Variants in SSBP2 observed in about 807,000 individuals in gnomAD.
SSBP2 encodes the protein single stranded DNA binding protein 2.
Under a neutral mutation model 61.8 loss-of-function variants are expected in SSBP2, and 17 were observed. The ratio of observed to expected loss-of-function variants is 0.28; its 90% CI spans 0.19 to 0.41. The LOEUF is 0.41. Among genes scored for constraint, SSBP2 ranks in the 10% least tolerant of loss-of-function variants. The pLI, the probability that SSBP2 is intolerant of heterozygous loss-of-function variation, is 1.00. For synonymous variants in SSBP2, 139 were observed against 141.3 expected (o/e 0.98, Z 0.12); for missense variants, 310 against 458.7 (o/e 0.68, Z 2.96).
At chr5:81,645,407 A>T (rs774843251) in intron 2 of SSBP2, among the ~76,000 whole-genome samples, 1 of 152,186 alleles carries the variant, frequency 6.6e-6, no homozygotes, top group Non-Finnish European at 1.5e-5. Flanking sequence ...TTAAGCTTCT[A>T]TTTCAGGCTA....
At chr5:81,714,843 T>G (rs1458096651) in intron 1 of SSBP2, among the ~76,000 whole-genome samples, 3 of 152,126 alleles carry the variant, frequency 2.0e-5, no homozygotes, top group Non-Finnish European at 4.4e-5. Context: ...ATTCTATAGG[T>G]TGCTTGTAAA....
At chr5:81,451,433 AT>A (rs1334665782) in intron 10 of SSBP2, among the ~76,000 whole-genome samples, 1 of 151,130 alleles carries the variant, frequency 6.6e-6, no homozygotes, top group Non-Finnish European at 1.5e-5. Context: ...TATTCTATTT[AT>A]TTATTTTTTG....
intron 4 of SSBP2, among the ~76,000 whole-genome samples, chr5:81,567,420 T>C (rs944738199): frequency 3.3e-5 from 5 of 152,192 alleles, no homozygotes; most frequent in African/African-American, 1.2e-4. Flanking sequence ...AAGTCAAGAA[T>C]TGAGGTTTGG....
chr5:81,478,735 C>T (rs940202337), intron 6 of SSBP2, among the ~76,000 whole-genome samples: 11 of 152,176 alleles, frequency 7.2e-5, no homozygotes, highest in African/African-American at 2.2e-4. Context: ...CTTCCCAAAG[C>T]GCTGGGATTA....
In SSBP2 at chr5:81,417,073, C is replaced by T. The variant is rs1000813741; in HGVS notation, c.*3431G>A. ...GATGGGGGGGTTTCACCAGGTTGGCCAGGCTGGTCTTGAACTCCCGACCTC... is the reference window on the plus strand; with the variant it reads ...GATGGGGGGGTTTCACCAGGTTGGCTAGGCTGGTCTTGAACTCCCGACCTC... On this transcript the variant is annotated 3_prime_UTR_variant, in exon 17 of 17. Coordinates refer to ENST00000320672, the MANE Select transcript of SSBP2 (RefSeq NM_012446.5). 1 of 152,142 alleles carries T rather than the reference C, an allele frequency of 6.6e-6. No homozygotes were observed. Among genetic ancestry groups the T allele is most frequent in the Non-Finnish European group, 1.5e-5 (1 of 68,060 alleles). 9.4% of individuals were successfully genotyped at this position (152,142 alleles called of 1,614,324 possible). A position where few individuals can be genotyped will look rare whatever the true frequency, so the allele number is the denominator to read the frequency against.
At chr5:81,505,451 T>C (rs1768108700) in intron 5 of SSBP2, among the ~76,000 whole-genome samples, 1 of 152,208 alleles carries the variant, frequency 6.6e-6, no homozygotes, top group Admixed American at 6.5e-5. Context: ...ATTAATAGTA[T>C]ATTTAAATGC....
chr5:81,622,157 C>CT (rs1746647959), intron 3 of SSBP2, among the ~76,000 whole-genome samples: 1 of 148,170 alleles, frequency 6.7e-6, no homozygotes, highest in South Asian at 2.1e-4. Flanking sequence ...GTTAACACTT[C>CT]TTTTTTTCTC....
chr5:81,728,127 T>G (rs958857952), intron 1 of SSBP2, among the ~76,000 whole-genome samples: 1 of 152,174 alleles, frequency 6.6e-6, no homozygotes, highest in Non-Finnish European at 1.5e-5. Flanking sequence ...CAGCGTCCTG[T>G]GAACCACCGT....
chr5:81,626,069 A>G (rs1747113392), intron 3 of SSBP2, among the ~76,000 whole-genome samples: 1 of 152,238 alleles, frequency 6.6e-6, no homozygotes, highest in South Asian at 2.1e-4. Context: ...TATCCTATCC[A>G]TTCATAAGAC....
intron 15 of SSBP2, among the ~76,000 whole-genome samples, chr5:81,428,986 G>A (rs1250689370): frequency 6.7e-6 from 1 of 148,852 alleles, no homozygotes; most frequent in Non-Finnish European, 1.5e-5. Context: ...TAAAACACTG[G>A]AGAGTTTAAA....
At chr5:81,479,698 G>A (rs1224915003) in intron 6 of SSBP2, among the ~76,000 whole-genome samples, 1 of 152,154 alleles carries the variant, frequency 6.6e-6, no homozygotes, top group Admixed American at 6.5e-5. Context: ...ACACTTGTGA[G>A]CCAGTGCATT....
chr5:81,578,898 C>T (rs990522360), intron 4 of SSBP2, among the ~76,000 whole-genome samples: 1 of 151,872 alleles, frequency 6.6e-6, no homozygotes, highest in African/African-American at 2.4e-5. Context: ...ATCTATCCTT[C>T]TCTGTTAACA....
chr5:81,609,235 C>T (rs1319270787), intron 4 of SSBP2, among the ~76,000 whole-genome samples: 1 of 152,134 alleles, frequency 6.6e-6, no homozygotes. Context: ...AGCACTGATA[C>T]TGTGTTTGAT....
In SSBP2 at chr5:81,486,265, G is replaced by A. The variant is rs573099749; in HGVS notation, c.432+2985C>T. Among the ~76,000 whole-genome samples the A allele has an allele frequency of 5.7e-4, 87 of 152,048 alleles. 2 individuals are homozygous for A. Among genetic ancestry groups the A allele is most frequent in the African/African-American group, 1.9e-3 (77 of 41,492 alleles). On this transcript the variant is annotated intron_variant, in intron 6 of 16. Coordinates refer to ENST00000320672, the MANE Select transcript of SSBP2 (RefSeq NM_012446.5). ...ATTCAAAGACATTAAATACCTGTTC[G>A]TAAAATTTGTCAACAAACTAGGTTT...
intron 3 of SSBP2, among the ~76,000 whole-genome samples, chr5:81,625,685 CTG>C (rs957527334): frequency 1.3e-5 from 2 of 151,618 alleles, no homozygotes; most frequent in African/African-American, 2.4e-5. Flanking sequence ...CAACCAAACA[CTG>C]TATCTCCCTC....
At position 81,442,682 on chromosome 5, in the gene SSBP2, C is replaced by A. The variant is rs748800298; in HGVS notation, c.820G>T (p.Ala274Ser). The A allele has an allele frequency of 6.3e-7, 1 of 1,581,960 alleles. No homozygotes were observed. The highest frequency in any genetic ancestry group is 2.3e-5 in the East Asian group (1 of 43,966). Residue 274 changes from alanine to serine, a missense_variant, in exon 13 of 17, where the codon GCA (alanine) becomes TCA (serine). Transcript: ENST00000320672. ...GGTCTGTTAGGTCCAGGAGGTACTG[C>A]ATTCATTAAAGTATACATGTTATCA...
At position 81,652,084 on chromosome 5, in the gene SSBP2, T is replaced by TA. The variant is rs559051552; in HGVS notation, c.63-1746dup. The stretch of plus-strand genomic sequence containing the variant: ...CACACCTAAGTAAAAGGCTGAACAA[T>TA]AAAGCTGGTCCACCAAGCTTGGGGA... On this transcript the variant is annotated intron_variant, in intron 1 of 16. Coordinates refer to ENST00000320672, the MANE Select transcript of SSBP2 (RefSeq NM_012446.5). 2.1e-3 allele frequency among the ~76,000 whole-genome samples: 313 copies of TA among 152,094 alleles called. 2 individuals are homozygous for TA. The highest frequency in any genetic ancestry group is 7.3e-3 in the African/African-American group (304 of 41,496).
At chr5:81,699,669 C>T (rs994850565) in intron 1 of SSBP2, among the ~76,000 whole-genome samples, 7 of 152,104 alleles carry the variant, frequency 4.6e-5, no homozygotes, top group Non-Finnish European at 8.8e-5. Flanking sequence ...AAGTCATCCA[C>T]GAGGGTTGGA....
chr5:81,442,297 A>T (rs184959479), intron 13 of SSBP2, among the ~76,000 whole-genome samples: 2 of 152,264 alleles, frequency 1.3e-5, no homozygotes, highest in African/African-American at 4.8e-5. Context: ...AGGACAAAAA[A>T]AGATCACAAT....
Sources: gnomAD v4.1 joint callset for allele counts (sites outside exome capture counted in the v4.1 genomes callset) on GRCh38, gnomAD v4.1.1 for gene constraint, MANE v1.5 for transcripts, NCBI Gene and HGNC (gene_info 2026-07-23, HGNC 2026-07-21) for gene names.